FBXL2: variants seen among roughly 807,000 people sequenced by gnomAD.
FBXL2 encodes F-box/LRR-repeat protein 2.
Under a neutral mutation model 69.2 loss-of-function variants are expected in FBXL2, and 38 were observed. That is an observed-to-expected ratio of 0.55 (90% confidence interval 0.42 to 0.72). The LOEUF (loss-of-function observed/expected upper bound fraction) is 0.72, where lower values mean the gene tolerates loss of function less well. Among genes scored for constraint, FBXL2 ranks in the 30% least tolerant of loss-of-function variants. FBXL2 has a pLI of 0.00. For synonymous variants in FBXL2, 192 were observed against 201.3 expected, an observed-to-expected ratio of 0.95 and a Z score of 0.39; for missense variants, 354 against 520.3, an observed-to-expected ratio of 0.68 and a Z score of 3.11.
chr3:33,327,809 A>G (rs1271005649), intron 2 of FBXL2, among the ~76,000 whole-genome samples: 2 of 152,240 alleles, frequency 1.3e-5, no homozygotes, highest in South Asian at 4.1e-4. Context: ...TACTTTCACC[A>G]TTTATATTCA....
intron 2 of FBXL2, among the ~76,000 whole-genome samples, chr3:33,353,096 T>C (rs978163812): frequency 6.6e-6 from 1 of 152,198 alleles, no homozygotes; most frequent in African/African-American, 2.4e-5. Context: ...ACTGTATACC[T>C]ATTAGAATGG....
chr3:33,337,822 C>T (rs2039709297), intron 2 of FBXL2, among the ~76,000 whole-genome samples: 1 of 152,124 alleles, frequency 6.6e-6, no homozygotes, highest in Admixed American at 6.5e-5. Context: ...AGACCAATAA[C>T]GTCCAAGCTG....
At chr3:33,382,523 C>A (rs2043132128) in intron 13 of FBXL2, 1 of 152,174 alleles carries the variant, frequency 6.6e-6, no homozygotes, top group Non-Finnish European at 1.5e-5. Flanking sequence ...CATATTGTTA[C>A]ATGTAGTTGT....
At chr3:33,362,881 T>G (rs1166459511) in intron 4 of FBXL2, among the ~76,000 whole-genome samples, 4 of 152,140 alleles carry the variant, frequency 2.6e-5, no homozygotes, top group African/African-American at 9.7e-5. Flanking sequence ...TGACAAAGAT[T>G]TATTTTACAG....
intron 1 of FBXL2, among the ~76,000 whole-genome samples, chr3:33,281,585 G>A (rs1376025288): frequency 6.6e-6 from 1 of 152,124 alleles, no homozygotes. Context: ...GGGTCAAATG[G>A]TATTTCTAGT....
intron 1 of FBXL2, among the ~76,000 whole-genome samples, chr3:33,284,513 G>A (rs1379099451): frequency 6.6e-6 from 1 of 152,210 alleles, no homozygotes; most frequent in Non-Finnish European, 1.5e-5. Flanking sequence ...TGAGAAGAAT[G>A]CATATTCTGT....
intron 13 of FBXL2, 186 bp from the exon 14 acceptor site, chr3:33,383,803 T>G (rs1452625077): frequency 1.7e-6 from 1 of 589,950 alleles, no homozygotes; most frequent in East Asian, 2.9e-5. Context: ...CTGGATAATT[T>G]GTAATGAACA....
chr3:33,343,109 T>C (rs1356406429), intron 2 of FBXL2, among the ~76,000 whole-genome samples: 2 of 151,898 alleles, frequency 1.3e-5, no homozygotes, highest in Non-Finnish European at 2.9e-5. Context: ...TAATTTATGA[T>C]TTTGCAGGTA....
chr3:33,337,184 G>A (rs1321780695), intron 2 of FBXL2, among the ~76,000 whole-genome samples: 1 of 152,104 alleles, frequency 6.6e-6, no homozygotes, highest in Non-Finnish European at 1.5e-5. Flanking sequence ...CAGCCTGGGC[G>A]ACAGAGCAAG....
rs373589346 is a variant in FBXL2, at chr3:33,354,588, T to G, written c.66-4379T>G. Among the ~76,000 whole-genome samples the G allele has an allele frequency of 1.4e-4, 22 of 152,144 alleles. No individual in the cohort carries two copies. In the South Asian group the frequency reaches 3.9e-3, roughly 27 times the overall value. On this transcript the variant is annotated intron_variant, in intron 2 of 14. Coordinates refer to ENST00000484457, the MANE Select transcript of FBXL2 (RefSeq NM_012157.5). ...TTGTGCATGTGCCAAATGGAAATAT[T>G]TTACAGTCTGTAACAAAGGAATTAT...
intron 2 of FBXL2, among the ~76,000 whole-genome samples, chr3:33,358,765 G>C (rs1559600218): frequency 1.3e-5 from 2 of 152,216 alleles, no homozygotes; most frequent in South Asian, 4.1e-4. Flanking sequence ...TGTATTGTGT[G>C]TCCAAAATAG....
At chr3:33,363,933 A>C (rs901461758) in intron 4 of FBXL2, among the ~76,000 whole-genome samples, 2 of 152,042 alleles carry the variant, frequency 1.3e-5, no homozygotes, top group Non-Finnish European at 2.9e-5. Flanking sequence ...ACATCACTAT[A>C]CTCCAATCTG....
rs1315791013 is a variant in FBXL2, at chr3:33,315,429, T to G, written c.65+17704T>G. Among the ~76,000 whole-genome samples the G allele has an allele frequency of 2.6e-5, 4 of 151,122 alleles. No homozygotes were observed. The East Asian group carries it at 7.7e-4, about 29-fold the overall frequency. On this transcript the variant is annotated intron_variant, in intron 2 of 14. Transcript: ENST00000484457. ...TTTACCTGCCATTTCTTTTGTATTA[T>G]CAATGCAAATGTCAGTTTAAAAAAA...
At chr3:33,285,330 G>T (rs1165495128) in intron 1 of FBXL2, among the ~76,000 whole-genome samples, 1 of 152,120 alleles carries the variant, frequency 6.6e-6, no homozygotes, top group African/African-American at 2.4e-5. Context: ...GAAATTCTGG[G>T]TTGAAAATTC....
intron 2 of FBXL2, among the ~76,000 whole-genome samples, chr3:33,357,109 C>T (rs72852015): frequency 0.039 from 5,924 of 152,280 alleles, 229 homozygotes; most frequent in African/African-American, 0.088. Context: ...AGTGAACTAG[C>T]ATATAAACCA....
intron 2 of FBXL2, among the ~76,000 whole-genome samples, chr3:33,316,177 G>C (rs774895257): frequency 2.0e-5 from 3 of 151,636 alleles, no homozygotes; most frequent in Non-Finnish European, 4.4e-5. Flanking sequence ...TCTTGCCTCA[G>C]CCTCCTGAGT....
At chr3:33,338,968 C>G (rs1431542229) in intron 2 of FBXL2, among the ~76,000 whole-genome samples, 5 of 152,090 alleles carry the variant, frequency 3.3e-5, no homozygotes, top group African/African-American at 1.2e-4. Flanking sequence ...GCAAAAGAAA[C>G]TATCAACAGA....
chr3:33,394,191 T>A (rs868179753), intron 12 of FBXL2, among the ~76,000 whole-genome samples: 15 of 143,428 alleles, frequency 1.0e-4, no homozygotes, highest in Non-Finnish European at 1.7e-4. Flanking sequence ...CTGGCTAATT[T>A]TTATTATTAT....
downstream of FBXL2, among the ~76,000 whole-genome samples, chr3:33,404,485 TAAA>T (rs147464429): frequency 3.5e-5 from 5 of 144,358 alleles, no homozygotes; most frequent in Non-Finnish European, 6.1e-5. Flanking sequence ...ATAATAGGAT[TAAA>T]AAAAAAAAAA....
Sources: gnomAD v4.1 joint callset for allele counts (sites outside exome capture counted in the v4.1 genomes callset) on GRCh38, gnomAD v4.1.1 for gene constraint, MANE v1.5 for transcripts, NCBI Gene and HGNC (gene_info 2026-07-23, HGNC 2026-07-21) for gene names.